Variants in P3H2 observed in about 807,000 individuals in gnomAD.
P3H2 encodes leprecan-like 1.
A neutral mutation model predicts 87.0 loss-of-function variants in P3H2; 80 were observed. The ratio of observed to expected loss-of-function variants is 0.92; its 90% CI spans 0.77 to 1.11. The LOEUF is 1.11. Ranked by LOEUF, P3H2 falls within the 50% of genes least tolerant of loss-of-function variation. The pLI is 0.00. For missense variants in P3H2, 1,001 were observed against 923.9 expected (o/e 1.08, Z -1.08); for synonymous variants, 367 against 359.3 (o/e 1.02, Z -0.24).
chr3:190,101,775 T>C (rs1711636957), intron 1 of P3H2, among the ~76,000 whole-genome samples: 1 of 152,208 alleles, frequency 6.6e-6, no homozygotes, highest in African/African-American at 2.4e-5. Flanking sequence ...ACAACAAATT[T>C]TCATTGTAGA....
intron 1 of P3H2, among the ~76,000 whole-genome samples, chr3:190,001,311 C>A (rs1247768609): frequency 6.6e-6 from 1 of 152,170 alleles, no homozygotes; most frequent in Non-Finnish European, 1.5e-5. Context: ...ATGTACTTCT[C>A]AAATAGAATA....
chr3:190,117,542 A>G (rs1466548165), intron 1 of P3H2, among the ~76,000 whole-genome samples: 1 of 125,224 alleles, frequency 8.0e-6, no homozygotes, highest in Admixed American at 7.2e-5. Context: ...CCATGACCAT[A>G]TCCAGTCACA....
At chr3:190,097,690 T>C (rs1727629284) in intron 1 of P3H2, among the ~76,000 whole-genome samples, 1 of 151,586 alleles carries the variant, frequency 6.6e-6, no homozygotes, top group Admixed American at 6.6e-5. Flanking sequence ...TGGCAGTGGA[T>C]ATTATCATAA....
Position 189,963,829 on chromosome 3 carries a change from A to G in P3H2, c.2034+129T>C, listed in dbSNP as rs1440783523. On this transcript the variant is annotated intron_variant, in intron 14 of 14. Coordinates refer to ENST00000319332, the MANE Select transcript of P3H2 (RefSeq NM_018192.4). ...ATTTCTACAAACATCTTCACTTACTAGAACATATCTGATTAAGAACTGCCT... is the reference window on the plus strand; with the variant it reads ...ATTTCTACAAACATCTTCACTTACTGGAACATATCTGATTAAGAACTGCCT... The G allele has an allele frequency of 6.9e-6, 6 of 875,244 alleles. 1 individual carries two copies. The highest frequency in any genetic ancestry group is 2.7e-5 in the South Asian group (2 of 74,770). 54.2% of individuals were successfully genotyped at this position (875,244 alleles called of 1,614,324 possible). A position where few individuals can be genotyped will look rare whatever the true frequency, so the allele number is the denominator to read the frequency against.
intron 1 of P3H2, among the ~76,000 whole-genome samples, chr3:190,034,078 A>T (rs1263238097): frequency 6.6e-6 from 1 of 152,244 alleles, no homozygotes. Flanking sequence ...ACACGATGTT[A>T]TAAAAAAAGA....
intron 1 of P3H2, among the ~76,000 whole-genome samples, chr3:190,088,889 T>C (rs1010493861): frequency 2.0e-5 from 3 of 152,188 alleles, no homozygotes; most frequent in Non-Finnish European, 4.4e-5. Flanking sequence ...CTTTGGAATA[T>C]AGCGTGTTCG....
intron 3 of P3H2, among the ~76,000 whole-genome samples, chr3:189,991,965 T>C (rs1054295544): frequency 6.6e-6 from 1 of 152,014 alleles, no homozygotes; most frequent in Non-Finnish European, 1.5e-5. Flanking sequence ...TTAGGAAGTG[T>C]TCAGTGCTAT....
At chr3:190,087,150 C>T (rs1051056933) in intron 1 of P3H2, among the ~76,000 whole-genome samples, 1 of 152,166 alleles carries the variant, frequency 6.6e-6, no homozygotes, top group Admixed American at 6.6e-5. Context: ...TCTTACTCTG[C>T]ATATTTTATA....
At chr3:190,015,383 T>C (rs1424099179) in intron 1 of P3H2, among the ~76,000 whole-genome samples, 1 of 152,172 alleles carries the variant, frequency 6.6e-6, no homozygotes, top group African/African-American at 2.4e-5. Flanking sequence ...AGAAACTAAA[T>C]TGTGAAAAAA....
At chr3:189,984,082 T>A in intron 7 of P3H2, among the ~76,000 whole-genome samples, 2 of 151,998 alleles carry the variant, frequency 1.3e-5, no homozygotes, top group Non-Finnish European at 2.9e-5. Context: ...ATAATAATAA[T>A]AAAATTTAAA....
At chr3:190,034,952 G>A (rs570510880) in intron 1 of P3H2, among the ~76,000 whole-genome samples, 3 of 150,496 alleles carry the variant, frequency 2.0e-5, no homozygotes, top group Admixed American at 1.3e-4. Context: ...AGATTCAAGC[G>A]ATTCTCCTGC....
At chr3:189,995,114 C>G (rs890001720) in intron 2 of P3H2, among the ~76,000 whole-genome samples, 176 bp downstream of exon 2, 1 of 151,596 alleles carries the variant, frequency 6.6e-6, no homozygotes, top group Non-Finnish European at 1.5e-5. Flanking sequence ...TTTTAAAAAA[C>G]CTCAATTTTT....
chr3:189,995,759 C>T (rs939841644), intron 1 of P3H2, among the ~76,000 whole-genome samples: 1 of 151,828 alleles, frequency 6.6e-6, no homozygotes, highest in African/African-American at 2.4e-5. Flanking sequence ...GCTGAAAAAA[C>T]TCTATAGCAA....
chr3:190,117,756 A>C (rs1234366313), intron 1 of P3H2, among the ~76,000 whole-genome samples: 1 of 65,830 alleles, frequency 1.5e-5, no homozygotes, highest in Admixed American at 1.9e-4. Flanking sequence ...GGGCTGGGGG[A>C]GGGGGGTGAA....
At chr3:190,105,175 A>T (rs1711782996) in intron 1 of P3H2, among the ~76,000 whole-genome samples, 1 of 152,120 alleles carries the variant, frequency 6.6e-6, no homozygotes, top group Admixed American at 6.5e-5. Flanking sequence ...CAACCTCTAC[A>T]TTAGGTATTT....
chr3:190,102,260 C>G (rs1353140047), intron 1 of P3H2, among the ~76,000 whole-genome samples: 1 of 152,098 alleles, frequency 6.6e-6, no homozygotes, highest in Non-Finnish European at 1.5e-5. Flanking sequence ...AAGAAATATA[C>G]CTTGTAAGGT....
rs114238772 is a variant in P3H2 at position 189,973,169 on chromosome 3, G to A, written c.1549-145C>T. ...AGGCTACTACATATTTGTGGATTTC[G>A]GTTAGGACATTGTGCCATTGGAATA... On this transcript the variant is annotated intron_variant, in intron 10 of 14. Transcript: ENST00000319332. 0.021 allele frequency: 15,170 copies of A among 707,348 alleles called. 216 individuals are homozygous for A. Among genetic ancestry groups the A allele is most frequent in the Middle Eastern group, 0.027 (68 of 2,502 alleles). The allele number at this position is 707,348 out of a possible 1,614,324, so 43.8% of individuals were successfully genotyped here. A position where few individuals can be genotyped will look rare whatever the true frequency, so the allele number is the denominator to read the frequency against.
At chr3:190,062,774 G>C (rs1164215115) in intron 1 of P3H2, among the ~76,000 whole-genome samples, 2 of 152,048 alleles carry the variant, frequency 1.3e-5, no homozygotes, top group Non-Finnish European at 2.9e-5. Context: ...GCATCAGTGA[G>C]ATAACGTTAT....
Position 190,043,736 on chromosome 3 carries a change from T to C in P3H2, c.481-48294A>G, listed in dbSNP as rs7618950. 5.2e-3 allele frequency among the ~76,000 whole-genome samples: 796 copies of C among 152,304 alleles called. 9 individuals carry two copies. Among genetic ancestry groups the C allele is most frequent in the African/African-American group, 0.019 (773 of 41,568 alleles). On this transcript the variant is annotated intron_variant, in intron 1 of 14. Coordinates refer to ENST00000319332, the MANE Select transcript of P3H2 (RefSeq NM_018192.4). The stretch of plus-strand genomic sequence containing the variant: ...TGTTGATATCAATCAAGTGTTTATA[T>C]ATCATAATTAGAAACAATAATGAGA...
Sources: allele counts gnomAD v4.1 joint callset (sites outside exome capture counted in the v4.1 genomes callset), GRCh38; gene constraint gnomAD v4.1.1; transcripts MANE v1.5; gene names NCBI Gene and HGNC (gene_info 2026-07-23, HGNC 2026-07-21).